The following ASB13 variants were observed in gnomAD, a reference collection of about 807,000 sequenced individuals.
The protein encoded by ASB13 is ankyrin repeat and SOCS box protein 13.
Under a neutral mutation model 28.8 loss-of-function variants are expected in ASB13, and 33 were observed. The observed-to-expected ratio is 1.15, with a 90% CI of 0.87 to 1.53. ASB13 has a LOEUF of 1.53. Ranked by LOEUF, ASB13 falls within the 40% of genes most tolerant of loss-of-function variation. The pLI is 0.00. For missense variants in ASB13, 414 were observed against 390.1 expected, an observed-to-expected ratio of 1.06 and a Z score of -0.52; for synonymous variants, 182 against 172.9, an observed-to-expected ratio of 1.05 and a Z score of -0.41.
Position 5,664,609 on chromosome 10 carries a change from A to G in ASB13, c.43+1900T>C, listed in dbSNP as rs924012641. Among the ~76,000 whole-genome samples, 27 of 152,346 alleles carry G rather than the reference A, an allele frequency of 1.8e-4. No individual in the cohort carries two copies. The highest frequency in any genetic ancestry group is 6.3e-4 in the African/African-American group (26 of 41,576). ...CGTACGGGGGAGTGGGGGAGCAGCCAGTAGGTTAGAGGTTCATCTACCACA... is the reference window on the plus strand; with the variant it reads ...CGTACGGGGGAGTGGGGGAGCAGCCGGTAGGTTAGAGGTTCATCTACCACA... On this transcript the variant is annotated intron_variant, in intron 1 of 5. Transcript: ENST00000357700. The surrounding 1 kb of genome is among the most constrained non-coding windows in gnomAD (Gnocchi z 4.2).
rs1415718733 is a variant in ASB13, at chr10:5,652,322, C to G, written c.231+541G>C. On this transcript the variant is annotated intron_variant, in intron 2 of 5. Coordinates refer to ENST00000357700, the MANE Select transcript of ASB13 (RefSeq NM_024701.4). The surrounding 1 kb of genome is among the most constrained non-coding windows in gnomAD (Gnocchi z 5.0). ...GTCCCTGTGTCACTTATACATTGGCCAGGGGTGTGCAGGGCCAGTGTTTGC... is the reference window on the plus strand; with the variant it reads ...GTCCCTGTGTCACTTATACATTGGCGAGGGGTGTGCAGGGCCAGTGTTTGC... Among the ~76,000 whole-genome samples, 1 of 152,162 alleles carries G rather than the reference C, an allele frequency of 6.6e-6. No homozygotes were observed. The highest frequency in any genetic ancestry group is 1.9e-4 in the East Asian group (1 of 5,194).
intron 4 of ASB13, among the ~76,000 whole-genome samples, chr10:5,648,721 C>T (rs981360460): frequency 6.6e-6 from 1 of 150,998 alleles, no homozygotes; most frequent in African/African-American, 2.4e-5. Flanking sequence ...GGGGTAAACA[C>T]CCACGCAGGT....
chr10:5,658,394 G>A lies in ASB13; in HGVS notation c.44-5344C>T, dbSNP rs1354771307. On this transcript the variant is annotated intron_variant, in intron 1 of 5. Coordinates refer to ENST00000357700, the MANE Select transcript of ASB13 (RefSeq NM_024701.4). This position sits in a 1 kb window ranked among gnomAD's most constrained non-coding sequence, Gnocchi z 4.2. ...TGCAGTGAGCCAAAATCGTGCCATT[G>A]CACTACGGCCTGGGTGACTTTGTCT... Among the ~76,000 whole-genome samples, 1 of 151,050 alleles carries A rather than the reference G, an allele frequency of 6.6e-6. No individual in the cohort carries two copies. Among genetic ancestry groups the A allele is most frequent in the Non-Finnish European group, 1.5e-5 (1 of 67,928 alleles).
In ASB13 at chr10:5,660,677, T is replaced by C. The variant is rs554419514; in HGVS notation, c.43+5832A>G. 6.6e-6 allele frequency among the ~76,000 whole-genome samples: 1 copy of C among 152,174 alleles called. No individual in the cohort carries two copies. The highest frequency in any genetic ancestry group is 1.5e-5 in the Non-Finnish European group (1 of 68,020). ...TGCCATGGCTCCAGGATCATTGCTGTCATTATTACCCTACCAGTCCTGTGG... is the reference window on the plus strand; with the variant it reads ...TGCCATGGCTCCAGGATCATTGCTGCCATTATTACCCTACCAGTCCTGTGG... On this transcript the variant is annotated intron_variant, in intron 1 of 5. Coordinates refer to ENST00000357700, the MANE Select transcript of ASB13 (RefSeq NM_024701.4). This position sits in a 1 kb window ranked among gnomAD's most constrained non-coding sequence, Gnocchi z 6.1.
In ASB13 at chr10:5,661,343, G is replaced by A. The variant is rs2131457874; in HGVS notation, c.43+5166C>T. On this transcript the variant is annotated intron_variant, in intron 1 of 5. Coordinates refer to ENST00000357700, the MANE Select transcript of ASB13 (RefSeq NM_024701.4). This position sits in a 1 kb window ranked among gnomAD's most constrained non-coding sequence, Gnocchi z 4.9. ...CCCCCAACCCCGCCCCGCCGAGCCT[G>A]GGGCCTCTCCAGGGTCAGGGCCCAC... Among the ~76,000 whole-genome samples the A allele has an allele frequency of 6.6e-6, 1 of 152,338 alleles. No homozygotes were observed. The highest frequency in any genetic ancestry group is 6.5e-5 in the Admixed American group (1 of 15,310).
rs1834968837 is a variant in ASB13 at position 5,650,596 on chromosome 10, T to C, written c.382+617A>G. On this transcript the variant is annotated intron_variant, in intron 3 of 5. Transcript: ENST00000357700. This position sits in a 1 kb window ranked among gnomAD's most constrained non-coding sequence, Gnocchi z 6.0. ...AGAGTAGAATCTAAACTCCTTAGTC[T>C]GTCATTTAAACATCTTCCCACCAGC... Among the ~76,000 whole-genome samples, 1 of 152,368 alleles carries C rather than the reference T, an allele frequency of 6.6e-6. No individual in the cohort carries two copies. Among genetic ancestry groups the C allele is most frequent in the Admixed American group, 6.5e-5 (1 of 15,308 alleles).
Position 5,651,558 on chromosome 10 carries a change from T to C in ASB13, c.232-195A>G. 1.7e-6 allele frequency: 1 copy of C among 577,682 alleles called. No homozygotes were observed. Among genetic ancestry groups the C allele is most frequent in the Non-Finnish European group, 3.0e-6 (1 of 336,908 alleles). The allele number at this position is 577,682 out of a possible 1,614,324, so 35.8% of individuals were successfully genotyped here. ...ACCGACGGCCTCCTGAGTAGAGAAG[T>C]CATCTCGTTCAGGATTCTTTTCTCT... On this transcript the variant is annotated intron_variant, in intron 2 of 5. Coordinates refer to ENST00000357700, the MANE Select transcript of ASB13 (RefSeq NM_024701.4). The surrounding 1 kb of genome is among the most constrained non-coding windows in gnomAD (Gnocchi z 5.1).
In ASB13 at chr10:5,641,821, C is replaced by T; in HGVS notation, c.658G>A (p.Asp220Asn). The T allele has an allele frequency of 6.2e-7, 1 of 1,612,396 alleles. No individual in the cohort carries two copies. The change falls in exon 5 of 6, where the codon GAC (aspartate) becomes AAC (asparagine). Residue 220 changes from aspartate (D) to asparagine (N), a missense_variant. Physicochemically the swap from Asp to Asn is conservative, Grantham distance 23. Coordinates refer to ENST00000357700, the MANE Select transcript of ASB13 (RefSeq NM_024701.4). This position sits in a 1 kb window ranked among gnomAD's most constrained non-coding sequence, Gnocchi z 8.4. ...ARDNRGKKPS[D>N]YTWSSSAPAK... ...GGAGCGCTGCTGCTCCACGTGTAGT[C>T]AGACGGCTTCTTCCCGCGGTTGTCC...
chr10:5,648,859 T>TAAACACTCACTCGGGC (rs2131446634), intron 4 of ASB13, 111 bp downstream of exon 4: 1 of 1,508,598 alleles, frequency 6.6e-7, no homozygotes, highest in South Asian at 1.3e-5. Flanking sequence ...CCCACTCGGG[T>TAAACACTCACTCGGGC]AAACACCCAC....
In ASB13 at chr10:5,639,506, G is replaced by A. The variant is rs1834773372; in HGVS notation, c.*1197C>T. 6.6e-6 allele frequency: 1 copy of A among 152,364 alleles called. No individual in the cohort carries two copies. Among genetic ancestry groups the A allele is most frequent in the South Asian group, 2.1e-4 (1 of 4,826 alleles). 9.4% of individuals were successfully genotyped at this position (152,364 alleles called of 1,614,324 possible). A position where few individuals can be genotyped will look rare whatever the true frequency, so the allele number is the denominator to read the frequency against. ...AAGTCCTCCAGTTTAACTCCCTGTT[G>A]TGGGCGGGGTTCTTAAAATTTATGA... On this transcript the variant is annotated 3_prime_UTR_variant, in exon 6 of 6. Transcript: ENST00000357700.
intron 4 of ASB13, among the ~76,000 whole-genome samples, chr10:5,648,153 G>A (rs78090852): frequency 0.25 from 29,462 of 119,752 alleles, 4,794 homozygotes; most frequent in East Asian, 0.56. Flanking sequence ...ACAACCACGC[G>A]GGTAAACACT....
rs1048467473 is a variant in ASB13, at chr10:5,640,477, C to G, written c.*226G>C. 3 of 548,424 alleles carry G rather than the reference C, an allele frequency of 5.5e-6. No homozygotes were observed. The highest frequency in any genetic ancestry group is 9.7e-6 in the Non-Finnish European group (3 of 310,534). The allele number at this position is 548,424 out of a possible 1,614,324, so 34.0% of individuals were successfully genotyped here. Reference sequence around the variant, plus strand: ...TGAGAGGGTAGGTTCTGTAGAACAGCGCAGGGCCACACCCACAACTGTGAC... The same window carrying G: ...TGAGAGGGTAGGTTCTGTAGAACAGGGCAGGGCCACACCCACAACTGTGAC... On this transcript the variant is annotated 3_prime_UTR_variant, in exon 6 of 6. Coordinates refer to ENST00000357700, the MANE Select transcript of ASB13 (RefSeq NM_024701.4).
At chr10:5,662,001 C>G (rs1835174452) in intron 1 of ASB13, among the ~76,000 whole-genome samples, 2 of 152,102 alleles carry the variant, frequency 1.3e-5, no homozygotes, top group African/African-American at 4.8e-5. Flanking sequence ...ACCCATAAAG[C>G]CGGGCTGGGG....
intron 1 of ASB13, among the ~76,000 whole-genome samples, chr10:5,665,727 A>G (rs1407290400): frequency 3.9e-5 from 6 of 152,190 alleles, no homozygotes; most frequent in African/African-American, 2.4e-5. Context: ...CTTCCTCTTC[A>G]GCTAAATTTA....
chr10:5,640,389 C>A lies in ASB13; in HGVS notation c.*314G>T. 3.7e-6 allele frequency: 1 copy of A among 269,254 alleles called. No homozygotes were observed. The highest frequency in any genetic ancestry group is 7.2e-6 in the Non-Finnish European group (1 of 138,272). The allele number at this position is 269,254 out of a possible 1,614,324, so 16.7% of individuals were successfully genotyped here. On this transcript the variant is annotated 3_prime_UTR_variant, in exon 6 of 6. Transcript: ENST00000357700. The stretch of plus-strand genomic sequence containing the variant: ...CTCTGTGCTCCCCACGCCGTCTGTC[C>A]TGAGAGTGCCTTTGAGGATGGTCCG...
In ASB13 at chr10:5,664,469, G is replaced by C. The variant is rs1835224193; in HGVS notation, c.43+2040C>G. Among the ~76,000 whole-genome samples the C allele has an allele frequency of 1.3e-5, 2 of 151,996 alleles. No individual in the cohort carries two copies. The highest frequency in any genetic ancestry group is 2.9e-5 in the Non-Finnish European group (2 of 68,000). On this transcript the variant is annotated intron_variant, in intron 1 of 5. Coordinates refer to ENST00000357700, the MANE Select transcript of ASB13 (RefSeq NM_024701.4). The surrounding 1 kb of genome is among the most constrained non-coding windows in gnomAD (Gnocchi z 4.2). ...AAAAGCAAGACATTACACAAAAAGA[G>C]AAACATAGTCCCCACATAGCAAGTG...
At position 5,664,229 on chromosome 10, in the gene ASB13, AC is replaced by A. The variant is rs1378791068; in HGVS notation, c.43+2279del. ...AACAACAGGAAGACACCCCTGCCCC[AC>A]CCCCACCCCGGCTTCCCAGAGCAGC... On this transcript the variant is annotated intron_variant, in intron 1 of 5. Transcript: ENST00000357700. The surrounding 1 kb of genome is among the most constrained non-coding windows in gnomAD (Gnocchi z 4.2). 1.9e-5 allele frequency among the ~76,000 whole-genome samples: 2 copies of A among 105,720 alleles called. No individual in the cohort carries two copies. Among genetic ancestry groups the A allele is most frequent in the African/African-American group, 7.3e-5 (2 of 27,316 alleles). The allele number at this position is 105,720 out of a possible 152,430, so 69.4% of individuals were successfully genotyped here.
chr10:5,665,906 C>G (rs1237198553), intron 1 of ASB13, among the ~76,000 whole-genome samples: 1 of 152,214 alleles, frequency 6.6e-6, no homozygotes, highest in Non-Finnish European at 1.5e-5. Context: ...GAGTGTCCTT[C>G]CCTCAAATCC....
rs60821267 is a variant in ASB13 at position 5,652,026 on chromosome 10, C to CACACACA, written c.232-664_232-663insTGTGTGT. ...CAAAAAAAAAAAAAAAAAAAAAAAACCACACACACACACACACACACACAC... is the reference window on the plus strand; with the variant it reads ...CAAAAAAAAAAAAAAAAAAAAAAAACACACACACACACACACACACACACACACACAC... On this transcript the variant is annotated intron_variant, in intron 2 of 5. Coordinates refer to ENST00000357700, the MANE Select transcript of ASB13 (RefSeq NM_024701.4). This position sits in a 1 kb window ranked among gnomAD's most constrained non-coding sequence, Gnocchi z 5.0. Among the ~76,000 whole-genome samples, 65 of 59,006 alleles carry CACACACA rather than the reference C, an allele frequency of 1.1e-3. No individual in the cohort carries two copies. Among genetic ancestry groups the CACACACA allele is most frequent in the East Asian group, 6.9e-3 (6 of 870 alleles). The allele number at this position is 59,006 out of a possible 152,430, so 38.7% of individuals were successfully genotyped here.
Sources: allele counts gnomAD v4.1 joint callset (sites outside exome capture counted in the v4.1 genomes callset), GRCh38; gene constraint gnomAD v4.1.1; non-coding constraint Gnocchi (gnomAD v3.1); transcripts MANE v1.5; gene names NCBI Gene and HGNC (gene_info 2026-07-23, HGNC 2026-07-21).